SCN2A: variants seen among roughly 807,000 people sequenced by gnomAD.
The protein encoded by SCN2A is sodium channel protein type 2 subunit alpha.
Under a neutral mutation model 188.7 loss-of-function variants are expected in SCN2A, and 20 were observed. That is an observed-to-expected ratio of 0.11 (90% CI 0.07 to 0.15). The LOEUF (loss-of-function observed/expected upper bound fraction) is 0.15. Ranked by LOEUF, SCN2A falls within the 10% of genes least tolerant of loss-of-function variation. SCN2A has a pLI of 1.00. For synonymous variants in SCN2A, 804 were observed against 833.1 expected, an observed-to-expected ratio of 0.97 and a Z score of 0.60; for missense variants, 1,278 against 2,445.0, an observed-to-expected ratio of 0.52 and a Z score of 10.07.
At chr2:165,333,613 ACAAAC>A (rs1359585361) in intron 14 of SCN2A, among the ~76,000 whole-genome samples, 2 of 151,872 alleles carry the variant, frequency 1.3e-5, no homozygotes, top group African/African-American at 4.8e-5. Flanking sequence ...GAAAATCAAA[ACAAAC>A]CAAACTGAAA....
intron 1 of SCN2A, among the ~76,000 whole-genome samples, chr2:165,275,000 G>T (rs1319587133): frequency 6.6e-6 from 1 of 152,192 alleles, no homozygotes; most frequent in Non-Finnish European, 1.5e-5. Flanking sequence ...GGTGTCACTG[G>T]TGAAACTGCT....
At chr2:165,247,491 G>T (rs1176121870) in intron 1 of SCN2A, among the ~76,000 whole-genome samples, 3 of 152,006 alleles carry the variant, frequency 2.0e-5, no homozygotes, top group African/African-American at 7.3e-5. Context: ...CATCTTACTT[G>T]ACCATCCAGC....
intron 1 of SCN2A, among the ~76,000 whole-genome samples, chr2:165,282,359 G>T (rs1695618962): frequency 6.6e-6 from 1 of 152,180 alleles, no homozygotes; most frequent in Non-Finnish European, 1.5e-5. Context: ...CTGGTGGGAA[G>T]GGGAATTTGG....
At chr2:165,327,578 G>A (rs933152756) in intron 13 of SCN2A, 5 of 152,970 alleles carry the variant, frequency 3.3e-5, no homozygotes, top group African/African-American at 1.2e-4. Context: ...TTTGGGGACA[G>A]CTTAATCTGT....
chr2:165,315,533 T>C lies in SCN2A; in HGVS notation c.1446T>C (p.Val482=). 1 of 1,613,892 alleles carries C rather than the reference T, an allele frequency of 6.2e-7. No homozygotes were observed. Among genetic ancestry groups the C allele is most frequent in the Non-Finnish European group, 8.5e-7 (1 of 1,179,920 alleles). ...RDFSGAGGIG[V]FSESSSVASK... ...TCAGTGGTGCTGGTGGGATAGGAGT[T>C]TTTTCAGAGAGTTCTTCAGTAGCAT... The change falls in exon 11 of 27, where the codon GTT becomes GTC. Residue 482 remains valine (V), a synonymous_variant. Transcript: ENST00000375437.
intron 15 of SCN2A, among the ~76,000 whole-genome samples, chr2:165,344,141 A>C (rs73025904): frequency 0.019 from 2,934 of 152,288 alleles, 87 homozygotes; most frequent in African/African-American, 0.064. Context: ...TGTATATTAC[A>C]TATGCTTATG....
rs774479106 is a variant in SCN2A, at chr2:165,291,458, C to CTT, written c.-51-4313_-51-4312dup. ...TTTCTCTTTCTTTCTTTCTTTCTTT[C>CTT]TTTCTTTCTTTCTTTCTTTCTTTCT... On this transcript the variant is annotated intron_variant, in intron 1 of 26. Transcript: ENST00000375437. Among the ~76,000 whole-genome samples, 5 of 30,958 alleles carry CTT rather than the reference C, an allele frequency of 1.6e-4. 1 individual carries two copies. In the East Asian group the frequency reaches 2.5e-3, roughly 15 times the overall value. 20.3% of individuals were successfully genotyped at this position (30,958 alleles called of 152,430 possible).
chr2:165,284,019 A>T (rs994659375), intron 1 of SCN2A, among the ~76,000 whole-genome samples: 37 of 151,604 alleles, frequency 2.4e-4, no homozygotes, highest in African/African-American at 9.0e-4. Flanking sequence ...ATGGTCTCCT[A>T]TGCTCTCCTT....
chr2:165,341,009 G>A (rs1246144492), intron 14 of SCN2A, among the ~76,000 whole-genome samples: 1 of 152,194 alleles, frequency 6.6e-6, no homozygotes, highest in Non-Finnish European at 1.5e-5. Context: ...TGGCCATAAG[G>A]AAAGGATAGA....
intron 1 of SCN2A, among the ~76,000 whole-genome samples, chr2:165,251,422 A>G (rs1694088353): frequency 6.6e-6 from 1 of 152,164 alleles, no homozygotes; most frequent in Non-Finnish European, 1.5e-5. Context: ...ACGTTCAAAT[A>G]TAGCGTGATG....
chr2:165,265,471 CTA>C (rs1178289931), intron 1 of SCN2A, among the ~76,000 whole-genome samples: 2,164 of 28,764 alleles, frequency 0.075, 29 homozygotes, highest in Non-Finnish European at 0.081. Flanking sequence ...CTCTGTTGAT[CTA>C]TATATATATA....
intron 23 of SCN2A, among the ~76,000 whole-genome samples, chr2:165,380,150 A>G (rs987314479): frequency 2.0e-5 from 3 of 151,878 alleles, no homozygotes; most frequent in African/African-American, 7.2e-5. Flanking sequence ...AATCTTCACA[A>G]CCACACTATG....
chr2:165,314,520 CAG>C (rs1167786467), intron 10 of SCN2A, among the ~76,000 whole-genome samples: 1 of 152,142 alleles, frequency 6.6e-6, no homozygotes, highest in Non-Finnish European at 1.5e-5. Context: ...GTCAGAAAAC[CAG>C]AATCAAACTA....
chr2:165,325,493 C>G (rs1260287093), intron 12 of SCN2A, among the ~76,000 whole-genome samples: 1 of 152,114 alleles, frequency 6.6e-6, no homozygotes, highest in African/African-American at 2.4e-5. Context: ...CACATCATTT[C>G]CTGTACTTTA....
At chr2:165,244,134 C>T (rs1396937444) in intron 1 of SCN2A, among the ~76,000 whole-genome samples, 1 of 151,880 alleles carries the variant, frequency 6.6e-6, no homozygotes, top group African/African-American at 2.4e-5. Context: ...CCCAGCTACT[C>T]CAGAGGCCGG....
chr2:165,264,855 T>A (rs1694771322), intron 1 of SCN2A, among the ~76,000 whole-genome samples: 1 of 152,180 alleles, frequency 6.6e-6, no homozygotes, highest in Non-Finnish European at 1.5e-5. Flanking sequence ...CACATTTTAT[T>A]TATCCACTCT....
At chr2:165,326,674 A>G (rs975458861) in intron 12 of SCN2A, among the ~76,000 whole-genome samples, 178 bp from the exon 13 acceptor site, 5 of 152,170 alleles carry the variant, frequency 3.3e-5, no homozygotes, top group African/African-American at 7.2e-5. Context: ...AAAAGCTGAA[A>G]ATCTGACAGA....
chr2:165,313,544 C>A, intron 8 of SCN2A, 76 bp from the exon 9 acceptor site: 1 of 1,552,554 alleles, frequency 6.4e-7, no homozygotes, highest in Non-Finnish European at 8.9e-7. Flanking sequence ...CAGACATTGG[C>A]ATATATTAAA....
chr2:165,365,378 TATC>T (rs1466756811), intron 18 of SCN2A, 115 bp downstream of exon 18: 1 of 853,100 alleles, frequency 1.2e-6, no homozygotes. Context: ...TATCTGTATC[TATC>T]TATCTATCTA....
Sources: allele counts gnomAD v4.1 joint callset (sites outside exome capture counted in the v4.1 genomes callset), GRCh38; gene constraint gnomAD v4.1.1; transcripts MANE v1.5; gene names NCBI Gene and HGNC (gene_info 2026-07-23, HGNC 2026-07-21).